Variants in CYB5R3 observed in about 807,000 individuals in gnomAD.
CYB5R3 encodes the protein NADH-cytochrome b5 reductase 3.
CYB5R3 carries 28 observed loss-of-function variants against 36.5 expected under a neutral mutation model. The observed-to-expected ratio is 0.77, with a 90% CI of 0.57 to 1.05. The LOEUF is 1.05. Ranked by LOEUF, CYB5R3 falls within the 50% of genes least tolerant of loss-of-function variation. CYB5R3 has a pLI of 0.00. For synonymous variants in CYB5R3, 181 were observed against 159.8 expected, an observed-to-expected ratio of 1.13 and a Z score of -1.00; for missense variants, 474 against 408.9, an observed-to-expected ratio of 1.16 and a Z score of -1.37.
Position 42,619,947 on chromosome 22 carries a change from TG to T in CYB5R3, c.734-3del. 1 of 1,594,992 alleles carries T rather than the reference TG, an allele frequency of 6.3e-7. No individual in the cohort carries two copies. The highest frequency in any genetic ancestry group is 8.5e-7 in the Non-Finnish European group (1 of 1,170,300). The stretch of plus-strand genomic sequence containing the variant: ...CGAAGCCCTGGCCGTAGTCCCAGGC[TG>T]TGGGGTGAGAGACCAGGTAAGCTGA... On this transcript the variant is annotated splice_region_variant and splice_polypyrimidine_tract_variant and intron_variant, in intron 8 of 8. Coordinates refer to ENST00000352397, the MANE Select transcript of CYB5R3 (RefSeq NM_000398.7).
chr22:42,627,155 G>A (rs951134413), intron 7 of CYB5R3, 149 bp downstream of exon 7: 12 of 735,954 alleles, frequency 1.6e-5, no homozygotes, highest in South Asian at 3.0e-5. Context: ...TGCCAAGGCC[G>A]CCAGTGCACA....
chr22:42,630,329 A>C (rs2146882051), intron 4 of CYB5R3, among the ~76,000 whole-genome samples: 1 of 152,256 alleles, frequency 6.6e-6, no homozygotes, highest in East Asian at 1.9e-4. Context: ...GGCCTGAGGG[A>C]CATTTCTTAG....
intron 1 of CYB5R3, among the ~76,000 whole-genome samples, chr22:42,649,065 G>A (rs1490613822): frequency 6.6e-6 from 1 of 152,208 alleles, no homozygotes; most frequent in Non-Finnish European, 1.5e-5. Flanking sequence ...CCCCCGGGCA[G>A]GAGGGCTGGG....
chr22:42,625,776 G>T (rs1471776793), intron 7 of CYB5R3, among the ~76,000 whole-genome samples: 2 of 152,148 alleles, frequency 1.3e-5, no homozygotes, highest in African/African-American at 4.8e-5. Flanking sequence ...GACCCCTGGG[G>T]TTGGGACCCT....
chr22:42,636,602 TA>T, intron 2 of CYB5R3, 112 bp downstream of exon 2: 1 of 1,507,032 alleles, frequency 6.6e-7, no homozygotes, highest in Non-Finnish European at 8.9e-7. Context: ...TCTCCATCTG[TA>T]AAATGGGTGG....
chr22:42,638,991 G>A, intron 1 of CYB5R3: 1 of 406,964 alleles, frequency 2.5e-6, no homozygotes, highest in Non-Finnish European at 4.8e-6. Context: ...CCGAGATCGT[G>A]CCATTGCACT....
intron 7 of CYB5R3, among the ~76,000 whole-genome samples, chr22:42,626,506 G>A (rs891715761): frequency 2.6e-5 from 4 of 152,144 alleles, no homozygotes; most frequent in Non-Finnish European, 4.4e-5. Flanking sequence ...CTCTGAACCA[G>A]CACCACCAAG....
intron 8 of CYB5R3, among the ~76,000 whole-genome samples, chr22:42,621,486 C>T (rs771802106): frequency 2.2e-4 from 33 of 152,214 alleles, no homozygotes; most frequent in African/African-American, 6.5e-4. Flanking sequence ...CGCTTAGCTA[C>T]GGTACAGCCA....
chr22:42,638,728 T>TTAAAAAAAAAAAAAAAAA (rs1569324852), intron 1 of CYB5R3, among the ~76,000 whole-genome samples: 1 of 47,488 alleles, frequency 2.1e-5, no homozygotes, highest in African/African-American at 1.1e-4. Flanking sequence ...CAAGACTCCA[T>TTAAAAAAAAAAAAAAAAA]AAAAAAAAAA....
intron 1 of CYB5R3, among the ~76,000 whole-genome samples, chr22:42,643,973 T>C (rs1227364752): frequency 6.6e-6 from 1 of 151,958 alleles, no homozygotes; most frequent in Non-Finnish European, 1.5e-5. Flanking sequence ...ACTGTGATCA[T>C]CCCAGCACGT....
chr22:42,624,013 G>C, intron 7 of CYB5R3, 125 bp from the exon 8 acceptor site: 1 of 798,124 alleles, frequency 1.3e-6, no homozygotes, highest in Admixed American at 2.0e-5. Flanking sequence ...GCTTTCAGGA[G>C]GGGACTCGGC....
chr22:42,639,799 A>T, intron 1 of CYB5R3: 1 of 778,204 alleles, frequency 1.3e-6, no homozygotes, highest in Non-Finnish European at 2.0e-6. Context: ...TTCAAAATAT[A>T]GACACAGTTG....
At chr22:42,649,220 G>A in intron 1 of CYB5R3, 75 bp downstream of exon 1, 1 of 683,158 alleles carries the variant, frequency 1.5e-6, no homozygotes, top group Non-Finnish European at 1.9e-6. Flanking sequence ...CCTCCCGCAG[G>A]CCAGCCCGCC....
intron 1 of CYB5R3, chr22:42,646,905 G>A (rs1251324853): frequency 2.1e-5 from 21 of 985,454 alleles, no homozygotes; most frequent in Non-Finnish European, 2.3e-5. Flanking sequence ...TGTCAGGGTC[G>A]CTGAGCACTC....
At chr22:42,636,954 G>A in intron 1 of CYB5R3, 108 bp from the exon 2 acceptor site, 3 of 1,459,332 alleles carry the variant, frequency 2.1e-6, no homozygotes, top group Non-Finnish European at 2.8e-6. Context: ...TCTGCCAGGA[G>A]CACCCTCTCC....
At chr22:42,620,415 C>T (rs1352216798) in intron 8 of CYB5R3, among the ~76,000 whole-genome samples, 2 of 152,086 alleles carry the variant, frequency 1.3e-5, no homozygotes, top group Non-Finnish European at 2.9e-5. Flanking sequence ...GGGTGACAGT[C>T]TCTAACTGCC....
intron 2 of CYB5R3, among the ~76,000 whole-genome samples, chr22:42,633,913 C>T (rs1439515745): frequency 1.3e-5 from 2 of 152,050 alleles, no homozygotes; most frequent in Non-Finnish European, 2.9e-5. Flanking sequence ...CAGAGCGAGA[C>T]CTTGTTCTAA....
chr22:42,644,290 T>C, intron 1 of CYB5R3: 1 of 661,724 alleles, frequency 1.5e-6, no homozygotes, highest in East Asian at 2.7e-5. Flanking sequence ...GCCCCGGGGG[T>C]CCGAACCAAC....
Position 42,617,997 on chromosome 22 carries a change from T to A in CYB5R3, c.*1776A>T, listed in dbSNP as rs1313378876. On this transcript the variant is annotated 3_prime_UTR_variant, in exon 9 of 9. Coordinates refer to ENST00000352397, the MANE Select transcript of CYB5R3 (RefSeq NM_000398.7). ...CCTTGGGGCCTTCCTGCTGCCCCGT[T>A]TTAAGAACAGCCCCACACCCACCTT... The A allele has an allele frequency of 1.3e-5, 2 of 152,316 alleles. No individual in the cohort carries two copies. The highest frequency in any genetic ancestry group is 4.8e-5 in the African/African-American group (2 of 41,424). The allele number at this position is 152,316 out of a possible 1,614,324, so 9.4% of individuals were successfully genotyped here. A position where few individuals can be genotyped will look rare whatever the true frequency, so the allele number is the denominator to read the frequency against.
Sources: gnomAD v4.1 joint callset for allele counts (sites outside exome capture counted in the v4.1 genomes callset) on GRCh38, gnomAD v4.1.1 for gene constraint, MANE v1.5 for transcripts, NCBI Gene and HGNC (gene_info 2026-07-23, HGNC 2026-07-21) for gene names.